Variants in PARD3 observed in about 807,000 individuals in gnomAD.
PARD3 encodes the protein par-3 family cell polarity regulator, also known as partitioning defective 3 homolog.
Under a neutral mutation model 155.4 loss-of-function variants are expected in PARD3, and 75 were observed. That is an observed-to-expected ratio of 0.48 (90% confidence interval 0.40 to 0.58). PARD3 has a LOEUF of 0.58. Among genes scored for constraint, PARD3 ranks in the 20% least tolerant of loss-of-function variants. The pLI is 0.00. For missense variants in PARD3, 1,642 were observed against 1,721.7 expected (o/e 0.95, Z 0.82); for synonymous variants, 576 against 610.5 (o/e 0.94, Z 0.83).
chr10:34,260,935 G>A (rs573107108), intron 22 of PARD3, among the ~76,000 whole-genome samples: 163 of 152,120 alleles, frequency 1.1e-3, no homozygotes, highest in Non-Finnish European at 2.0e-3. Flanking sequence ...TAACGGGAGG[G>A]GAAACAAGTT....
chr10:34,750,406 A>G (rs2133944692), intron 1 of PARD3, among the ~76,000 whole-genome samples: 1 of 151,886 alleles, frequency 6.6e-6, no homozygotes, highest in South Asian at 2.1e-4. Context: ...CCATTTCTAG[A>G]AAGCTACAGA....
chr10:34,646,604 C>T lies in PARD3; in HGVS notation c.222+49714G>A, dbSNP rs180933215. On this transcript the variant is annotated intron_variant, in intron 2 of 24. Transcript: ENST00000374788. Reference sequence around the variant, plus strand: ...TCCTGCTAAGACTTCATCTCTATCACGGAATATTCTTGGTCATTACTTAGA... The same window carrying T: ...TCCTGCTAAGACTTCATCTCTATCATGGAATATTCTTGGTCATTACTTAGA... Among the ~76,000 whole-genome samples, 12 of 152,328 alleles carry T rather than the reference C, an allele frequency of 7.9e-5. No homozygotes were observed. The East Asian group carries it at 9.6e-4, about 12-fold the overall frequency.
intron 1 of PARD3, among the ~76,000 whole-genome samples, chr10:34,771,588 G>A (rs577109855): frequency 2.6e-5 from 4 of 152,226 alleles, no homozygotes; most frequent in East Asian, 1.9e-4. Context: ...CGGTCAGCCC[G>A]ACCTAGTCTT....
At chr10:34,581,252 T>TTTTTTTTTTG (rs2087447383) in intron 2 of PARD3, among the ~76,000 whole-genome samples, 1 of 144,732 alleles carries the variant, frequency 6.9e-6, no homozygotes. Context: ...TTTTTTTTTT[T>TTTTTTTTTTG]GAGACGGAGT....
At chr10:34,572,715 AT>A (rs2086526481) in intron 2 of PARD3, among the ~76,000 whole-genome samples, 1 of 151,638 alleles carries the variant, frequency 6.6e-6, no homozygotes. Context: ...GACTAAGTTA[AT>A]TTTTGACTGA....
chr10:34,720,202 G>A (rs1182593618), intron 1 of PARD3, among the ~76,000 whole-genome samples: 3 of 152,312 alleles, frequency 2.0e-5, no homozygotes, highest in Middle Eastern at 6.8e-3. Flanking sequence ...GGAGGCCCAG[G>A]CAGGTGGATC....
At position 34,111,398 on chromosome 10, in the gene PARD3, A is replaced by G. The variant is rs1946373284; in HGVS notation, c.3833T>C (p.Leu1278Pro). 6.2e-7 allele frequency: 1 copy of G among 1,614,014 alleles called. No individual in the cohort carries two copies. The highest frequency in any genetic ancestry group is 8.5e-7 in the Non-Finnish European group (1 of 1,180,022). Residue 1278 changes from leucine to proline, a missense_variant, in exon 25 of 25, where the codon CTG (leucine) becomes CCG (proline). This residue lies in a region of PARD3 where 1,529 missense variants were observed against 1,587.3 expected (regional missense o/e 0.96). Transcript: ENST00000374788. The part of the protein sequence containing the change: ...GGHGFNARVM[L>P]ETQELLRQEQ... Reference sequence around the variant, plus strand: ...CTGGCGAAGGAGCTCCTGAGTTTCCAGCATGACCCTGGCGTTGAAGCCATG... The same window carrying G: ...CTGGCGAAGGAGCTCCTGAGTTTCCGGCATGACCCTGGCGTTGAAGCCATG...
At position 34,729,396 on chromosome 10, in the gene PARD3, T is replaced by C. The variant is rs1482914289; in HGVS notation, c.121-32977A>G. On this transcript the variant is annotated intron_variant, in intron 1 of 24. Coordinates refer to ENST00000374788, the MANE Select transcript of PARD3 (RefSeq NM_001184785.2). ...AAATACAAAAATTAGCCAGGCGTGGTGGTGGGTGCCTGTAATCCCAGCTAC... is the reference window on the plus strand; with the variant it reads ...AAATACAAAAATTAGCCAGGCGTGGCGGTGGGTGCCTGTAATCCCAGCTAC... Among the ~76,000 whole-genome samples, 6 of 151,940 alleles carry C rather than the reference T, an allele frequency of 3.9e-5. No homozygotes were observed. The East Asian group carries it at 1.2e-3, about 29-fold the overall frequency.
chr10:34,370,581 C>T (rs557171406), intron 12 of PARD3, among the ~76,000 whole-genome samples: 22 of 152,162 alleles, frequency 1.4e-4, no homozygotes, highest in African/African-American at 4.8e-4. Flanking sequence ...CTACATGTTT[C>T]GAAAGAACAT....
intron 19 of PARD3, among the ~76,000 whole-genome samples, chr10:34,318,283 A>T (rs1958142540): frequency 6.6e-6 from 1 of 152,232 alleles, no homozygotes; most frequent in South Asian, 2.1e-4. Flanking sequence ...CACTCTCAGA[A>T]ATCTTTCTTT....
At chr10:34,555,420 C>G (rs2084907522) in intron 2 of PARD3, among the ~76,000 whole-genome samples, 1 of 152,008 alleles carries the variant, frequency 6.6e-6, no homozygotes, top group Admixed American at 6.6e-5. Flanking sequence ...TTTTGGAATT[C>G]ACTTAGAATA....
intron 12 of PARD3, among the ~76,000 whole-genome samples, chr10:34,368,529 AGGC>A (rs1447628504): frequency 1.3e-5 from 2 of 152,044 alleles, no homozygotes; most frequent in Non-Finnish European, 2.9e-5. Flanking sequence ...AAAATTAGCC[AGGC>A]ATGGTGGCGG....
At chr10:34,333,993 T>C (rs1835886247) in intron 18 of PARD3, among the ~76,000 whole-genome samples, 1 of 151,958 alleles carries the variant, frequency 6.6e-6, no homozygotes, top group African/African-American at 2.4e-5. Context: ...ATTTTACTAG[T>C]AATGAAAATT....
At position 34,450,339 on chromosome 10, in the gene PARD3, T is replaced by C. The variant is rs1229872349; in HGVS notation, c.692A>G (p.Lys231Arg). 16 of 1,613,932 alleles carry C rather than the reference T, an allele frequency of 9.9e-6. No homozygotes were observed. Among genetic ancestry groups the C allele is most frequent in the East Asian group, 2.2e-5 (1 of 44,862 alleles). The change falls in exon 5 of 25, where the codon AAG becomes AGG. Residue 231 changes from lysine to arginine, a missense_variant. This residue lies in a region of PARD3 where 1,529 missense variants were observed against 1,587.3 expected (regional missense o/e 0.96). Transcript: ENST00000374788. ...TACCTGTTCTTGTTTCTCCAGCCAC[T>C]TGCCCACCATTGGGTGACTGGCACT... ...SLSASHPMVG[K>R]WLEKQEQDED...
chr10:34,650,230 G>A (rs1590405143), intron 2 of PARD3, among the ~76,000 whole-genome samples: 1 of 152,358 alleles, frequency 6.6e-6, no homozygotes, highest in South Asian at 2.1e-4. Context: ...TGTGCTAGAC[G>A]TTTATACAAC....
At chr10:34,430,436 A>C (rs1198356550) in intron 5 of PARD3, among the ~76,000 whole-genome samples, 2 of 152,228 alleles carry the variant, frequency 1.3e-5, no homozygotes, top group Non-Finnish European at 2.9e-5. Context: ...ATGACTATCA[A>C]AAATTTGTAG....
Position 34,109,763 on chromosome 10 carries a change from T to C in PARD3, c.*1406A>G, listed in dbSNP as rs1365123987. The C allele has an allele frequency of 6.6e-6, 1 of 152,058 alleles. No individual in the cohort carries two copies. Among genetic ancestry groups the C allele is most frequent in the African/African-American group, 2.4e-5 (1 of 41,386 alleles). The allele number at this position is 152,058 out of a possible 1,614,324, so 9.4% of individuals were successfully genotyped here. A position where few individuals can be genotyped will look rare whatever the true frequency, so the allele number is the denominator to read the frequency against. On this transcript the variant is annotated 3_prime_UTR_variant, in exon 25 of 25. Transcript: ENST00000374788. ...TGCAGAAGAGACACGGGTACGTGTGTGGACACATCATTTCTAAAAACAAGT... is the reference window on the plus strand; with the variant it reads ...TGCAGAAGAGACACGGGTACGTGTGCGGACACATCATTTCTAAAAACAAGT...
chr10:34,687,982 G>A lies in PARD3; in HGVS notation c.222+8336C>T, dbSNP rs142724960. 4.0e-3 allele frequency among the ~76,000 whole-genome samples: 593 copies of A among 146,552 alleles called. 7 individuals are homozygous for A. The highest frequency in any genetic ancestry group is 0.014 in the African/African-American group (570 of 40,046). ...GCGATCCTCCCACCTCAGCCTTTGA[G>A]TAGCTCAGACTACAGGCCAGCACCA... On this transcript the variant is annotated intron_variant, in intron 2 of 24. Coordinates refer to ENST00000374788, the MANE Select transcript of PARD3 (RefSeq NM_001184785.2).
intron 22 of PARD3, among the ~76,000 whole-genome samples, chr10:34,187,851 A>G (rs938190729): frequency 1.3e-5 from 2 of 152,198 alleles, no homozygotes; most frequent in Non-Finnish European, 2.9e-5. Flanking sequence ...AATTACTTTA[A>G]ACCAACATAG....
Sources: allele counts gnomAD v4.1 joint callset (sites outside exome capture counted in the v4.1 genomes callset), GRCh38; gene constraint gnomAD v4.1.1; regional missense constraint gnomAD v4.1.1; transcripts MANE v1.5; gene names NCBI Gene and HGNC (gene_info 2026-07-23, HGNC 2026-07-21).